Variants in METAP2 observed in about 807,000 individuals in gnomAD.
METAP2 encodes methionine aminopeptidase 2.
In METAP2, 25 loss-of-function variants were observed where a neutral mutation model predicts 59.4. The ratio of observed to expected loss-of-function variants is 0.42; its 90% CI spans 0.31 to 0.59. The LOEUF is 0.59. METAP2 is among the 20% of genes least tolerant of loss of function. The pLI, the probability that METAP2 is intolerant of heterozygous loss-of-function variation, is 0.16. For synonymous variants in METAP2, 214 were observed against 194.1 expected (o/e 1.10, Z -0.85); for missense variants, 366 against 581.2 (o/e 0.63, Z 3.81).
intron 8 of METAP2, among the ~76,000 whole-genome samples, chr12:95,506,451 T>A (rs577135681): frequency 4.1e-4 from 63 of 151,840 alleles, no homozygotes; most frequent in African/African-American, 1.4e-3. Context: ...CATGCGCCAC[T>A]ACACCCAGCT....
intron 2 of METAP2, among the ~76,000 whole-genome samples, chr12:95,482,781 G>A (rs1384389767): frequency 6.6e-6 from 1 of 152,164 alleles, no homozygotes; most frequent in Non-Finnish European, 1.5e-5. Flanking sequence ...AACAGAGCTA[G>A]ACCCTGTTTC....
chr12:95,479,195 A>G (rs1468125742), intron 2 of METAP2, among the ~76,000 whole-genome samples: 1 of 152,232 alleles, frequency 6.6e-6, no homozygotes, highest in African/African-American at 2.4e-5. Flanking sequence ...GGCCTCTTAG[A>G]AATAGCCCAG....
At chr12:95,506,280 A>G (rs971466368) in intron 8 of METAP2, among the ~76,000 whole-genome samples, 3 of 142,948 alleles carry the variant, frequency 2.1e-5, no homozygotes, top group Non-Finnish European at 4.6e-5. Context: ...ATTTATTTTT[A>G]TTTCTAATAT....
At chr12:95,513,430 G>A (rs999630752) in intron 10 of METAP2, among the ~76,000 whole-genome samples, 2 of 152,170 alleles carry the variant, frequency 1.3e-5, no homozygotes, top group South Asian at 2.1e-4. Context: ...ACGTAGACAC[G>A]TAAACATGAT....
At chr12:95,494,341 G>A (rs749624333) in intron 5 of METAP2, 124 bp downstream of exon 5, 2 of 942,714 alleles carry the variant, frequency 2.1e-6, no homozygotes, top group Non-Finnish European at 3.1e-6. Flanking sequence ...TTGTAGAAAT[G>A]CCTTCTAGAT....
intron 10 of METAP2, 32 bp from the exon 11 acceptor site, chr12:95,513,619 GC>G (rs2076421776): frequency 6.3e-7 from 1 of 1,597,916 alleles, no homozygotes; most frequent in Non-Finnish European, 8.5e-7. Context: ...TAACTCTTTT[GC>G]CAACAGTTAA....
chr12:95,484,492 TAAAAAAAA>T (rs543386243), intron 3 of METAP2, among the ~76,000 whole-genome samples: 9 of 142,316 alleles, frequency 6.3e-5, no homozygotes, highest in African/African-American at 2.3e-4. Flanking sequence ...TTTCTTAAAT[TAAAAAAAA>T]AAAAAAGATA....
At chr12:95,480,854 A>G (rs760773667) in intron 2 of METAP2, among the ~76,000 whole-genome samples, 14 of 152,338 alleles carry the variant, frequency 9.2e-5, no homozygotes, top group Admixed American at 1.3e-4. Flanking sequence ...ATAAAGTCCA[A>G]TCTATCTGTT....
intron 4 of METAP2, among the ~76,000 whole-genome samples, chr12:95,490,700 ATGTT>A (rs1237297107): frequency 6.6e-6 from 1 of 151,496 alleles, no homozygotes; most frequent in Non-Finnish European, 1.5e-5. Flanking sequence ...AGTTATAGTA[ATGTT>A]TGTTTACTTT....
chr12:95,506,296 CT>C (rs59794359), intron 8 of METAP2, among the ~76,000 whole-genome samples: 9,348 of 119,520 alleles, frequency 0.078, 286 homozygotes, highest in African/African-American at 0.15. Context: ...AATATATATG[CT>C]TTTTTTTTTT....
At chr12:95,492,132 TTGTGTG>T (rs61423721) in intron 4 of METAP2, among the ~76,000 whole-genome samples, 9 of 149,426 alleles carry the variant, frequency 6.0e-5, no homozygotes, top group African/African-American at 9.9e-5. Context: ...ATATGTGTGT[TTGTGTG>T]TGTGTGTGTG....
chr12:95,507,777 ATTT>A (rs1381081407), intron 8 of METAP2, among the ~76,000 whole-genome samples: 2 of 140,638 alleles, frequency 1.4e-5, no homozygotes, highest in Non-Finnish European at 1.6e-5. Context: ...GATTCTCATG[ATTT>A]TTTTTTTTTT....
At chr12:95,510,316 C>A (rs2076393269) in intron 8 of METAP2, among the ~76,000 whole-genome samples, 1 of 152,144 alleles carries the variant, frequency 6.6e-6, no homozygotes, top group South Asian at 2.1e-4. Flanking sequence ...CAGCAGAATA[C>A]CTGAGACTAG....
chr12:95,501,684 C>T (rs1414448419), intron 7 of METAP2, among the ~76,000 whole-genome samples: 1 of 150,946 alleles, frequency 6.6e-6, no homozygotes, highest in Non-Finnish European at 1.5e-5. Flanking sequence ...CACTGCACTC[C>T]AGCCTGGCGA....
chr12:95,484,812 T>A (rs74778697), intron 3 of METAP2: 1 of 452,204 alleles, frequency 2.2e-6, no homozygotes, highest in Non-Finnish European at 4.4e-6. Context: ...AATTTTTTTT[T>A]AATGTTGGCT....
At chr12:95,503,667 T>G (rs1382447786) in intron 7 of METAP2, among the ~76,000 whole-genome samples, 1 of 152,162 alleles carries the variant, frequency 6.6e-6, no homozygotes, top group Non-Finnish European at 1.5e-5. Context: ...CCCCAAGCTG[T>G]GTGCGTGTTG....
At chr12:95,482,424 C>A (rs2076165324) in intron 2 of METAP2, among the ~76,000 whole-genome samples, 1 of 152,092 alleles carries the variant, frequency 6.6e-6, no homozygotes, top group African/African-American at 2.4e-5. Context: ...AATATTTGTA[C>A]TTCTACTGTT....
At chr12:95,488,402 G>A (rs989299008) in intron 4 of METAP2, among the ~76,000 whole-genome samples, 4 of 151,258 alleles carry the variant, frequency 2.6e-5, no homozygotes, top group African/African-American at 4.9e-5. Context: ...CCAGCTACTC[G>A]GGGGGCTGAG....
At position 95,482,879 on chromosome 12, in the gene METAP2, A is replaced by C. The variant is rs1594413604; in HGVS notation, c.260-336A>C. Among the ~76,000 whole-genome samples, 4 of 152,182 alleles carry C rather than the reference A, an allele frequency of 2.6e-5. No individual in the cohort carries two copies. The South Asian group carries it at 8.3e-4, about 32-fold the overall frequency. On this transcript the variant is annotated intron_variant, in intron 2 of 10. Transcript: ENST00000323666. ...ATGGTTCAACCCACGTAAGTCCTAG[A>C]TCACGTTACCTCCCACTTTGCTAAA...
Sources: allele counts gnomAD v4.1 joint callset (sites outside exome capture counted in the v4.1 genomes callset), GRCh38; gene constraint gnomAD v4.1.1; transcripts MANE v1.5; gene names NCBI Gene and HGNC (gene_info 2026-07-23, HGNC 2026-07-21).